Variants in EPB41 observed in about 807,000 individuals in gnomAD.
EPB41 encodes erythrocyte membrane protein band 4.1.
Under a neutral mutation model 108.0 loss-of-function variants are expected in EPB41, and 65 were observed. The observed-to-expected ratio is 0.60, with a 90% confidence interval of 0.49 to 0.74. The LOEUF (loss-of-function observed/expected upper bound fraction) is 0.74. Ranked by LOEUF, EPB41 falls within the 30% of genes least tolerant of loss-of-function variation. The probability of loss-of-function intolerance (pLI) is 0.00; values close to 1 mark genes in which losing one functional copy is unlikely to be tolerated. For missense variants in EPB41, 875 were observed against 1,037.0 expected (o/e 0.84, Z 2.15); for synonymous variants, 336 against 358.9 (o/e 0.94, Z 0.72).
intron 4 of EPB41, among the ~76,000 whole-genome samples, chr1:29,007,259 A>G (rs572231717): frequency 3.3e-5 from 5 of 152,124 alleles, no homozygotes; most frequent in African/African-American, 1.2e-4. Flanking sequence ...GCTTGACTAC[A>G]CCACACTTTA....
At chr1:29,096,581 C>T in intron 16 of EPB41, 3 of 985,646 alleles carry the variant, frequency 3.0e-6, no homozygotes, top group South Asian at 9.4e-5. Flanking sequence ...TAACCAGTTC[C>T]CCACCCTCAT....
intron 11 of EPB41, among the ~76,000 whole-genome samples, chr1:29,043,857 A>G (rs2150528523): frequency 6.6e-6 from 1 of 152,340 alleles, no homozygotes; most frequent in South Asian, 2.1e-4. Flanking sequence ...TTGGCAACAA[A>G]GACAGGGAAA....
chr1:29,052,628 G>A (rs1644716098), intron 11 of EPB41, among the ~76,000 whole-genome samples: 1 of 152,066 alleles, frequency 6.6e-6, no homozygotes, highest in Non-Finnish European at 1.5e-5. Flanking sequence ...ATTCCAAGGA[G>A]GCTTACAGAA....
At chr1:29,109,550 A>G (rs1199399260) in intron 18 of EPB41, 113 bp downstream of exon 18, 1 of 838,756 alleles carries the variant, frequency 1.2e-6, no homozygotes, top group Non-Finnish European at 2.0e-6. Flanking sequence ...CTCCATCCCT[A>G]GTAAGCCACA....
At chr1:28,895,069 G>A (rs2090524833) in intron 1 of EPB41, among the ~76,000 whole-genome samples, 2 of 152,046 alleles carry the variant, frequency 1.3e-5, no homozygotes, top group African/African-American at 4.8e-5. Context: ...TCTCTGCCTC[G>A]GTTGCCTTAC....
chr1:28,908,433 TA>T (rs2092000016), intron 1 of EPB41, among the ~76,000 whole-genome samples: 2 of 150,054 alleles, frequency 1.3e-5, no homozygotes, highest in African/African-American at 2.4e-5. Flanking sequence ...TTATTATTAT[TA>T]TTATTATTTT....
chr1:28,921,559 T>TA (rs1010744775), intron 1 of EPB41, among the ~76,000 whole-genome samples: 33 of 152,246 alleles, frequency 2.2e-4, no homozygotes, highest in African/African-American at 7.5e-4. Flanking sequence ...GTAAAGGCTT[T>TA]AAAAAATTTT....
intron 2 of EPB41, among the ~76,000 whole-genome samples, chr1:28,988,559 T>TCAA (rs2095926587): frequency 1.3e-5 from 2 of 152,004 alleles, no homozygotes; most frequent in African/African-American, 4.8e-5. Flanking sequence ...AGCGTTTTGC[T>TCAA]GTGTTGGCCA....
intron 1 of EPB41, among the ~76,000 whole-genome samples, chr1:28,943,651 G>GA (rs55671605): frequency 0.024 from 3,516 of 143,720 alleles, 71 homozygotes; most frequent in Middle Eastern, 0.036. Context: ...TCCGTTTCAG[G>GA]AAAAAAAAAA....
At chr1:29,047,576 G>T (rs1017256983) in intron 11 of EPB41, among the ~76,000 whole-genome samples, 7 of 151,836 alleles carry the variant, frequency 4.6e-5, no homozygotes, top group Non-Finnish European at 1.0e-4. Flanking sequence ...TCTAGGAAAT[G>T]TGCATTTTAT....
chr1:28,941,426 C>G (rs1044497187), intron 1 of EPB41, among the ~76,000 whole-genome samples: 4 of 152,050 alleles, frequency 2.6e-5, no homozygotes, highest in Middle Eastern at 6.8e-3. Context: ...ATAAGTCCAA[C>G]GAGGTATAGT....
Position 29,081,465 on chromosome 1 carries a change from C to G in EPB41, c.2184+16307C>G, listed in dbSNP as rs149857839. Among the ~76,000 whole-genome samples, 645 of 152,274 alleles carry G rather than the reference C, an allele frequency of 4.2e-3. 5 individuals are homozygous for G. The highest frequency in any genetic ancestry group is 0.015 in the African/African-American group (613 of 41,552). ...CGACAGAAGGTATATCACTTTATCT[C>G]TTACTTCACCTTGGGTAAACCTTCT... On this transcript the variant is annotated intron_variant, in intron 16 of 20. Coordinates refer to ENST00000343067, the MANE Select transcript of EPB41 (RefSeq NM_001376013.1).
Position 28,993,480 on chromosome 1 carries a change from C to G in EPB41, c.619C>G (p.His207Asp). The G allele has an allele frequency of 6.2e-7, 1 of 1,614,016 alleles. No homozygotes were observed. The highest frequency in any genetic ancestry group is 8.5e-7 in the Non-Finnish European group (1 of 1,179,998). The change falls in exon 3 of 21, where the codon CAC becomes GAC. Residue 207 changes from histidine (H) to aspartate (D), a missense_variant. By Grantham distance (81) the His-to-Asp change is moderately conservative. Coordinates refer to ENST00000343067, the MANE Select transcript of EPB41 (RefSeq NM_001376013.1). Reference protein sequence around the residue: ...LKASQKPIRKHRNMHCKVSLL... With the variant: ...LKASQKPIRKDRNMHCKVSLL... ...AGCTTCCCAAAAACCAATCAGAAAACACAGGAACATGCACTGCAAGGTTTC... is the reference window on the plus strand; with the variant it reads ...AGCTTCCCAAAAACCAATCAGAAAAGACAGGAACATGCACTGCAAGGTTTC...
intron 2 of EPB41, among the ~76,000 whole-genome samples, chr1:28,988,653 C>A (rs571583812): frequency 4.1e-4 from 62 of 152,134 alleles, no homozygotes; most frequent in Admixed American, 2.6e-4. Flanking sequence ...AGCCACCATG[C>A]CCGGCTTATA....
intron 1 of EPB41, chr1:28,891,080 A>T: frequency 1.3e-6 from 1 of 771,568 alleles, no homozygotes; most frequent in Non-Finnish European, 1.6e-6. Flanking sequence ...GTTTCCCCAG[A>T]GGGGCAGCCC....
At chr1:28,921,608 C>CT (rs953925778) in intron 1 of EPB41, among the ~76,000 whole-genome samples, 8 of 151,662 alleles carry the variant, frequency 5.3e-5, no homozygotes, top group Non-Finnish European at 1.0e-4. Flanking sequence ...GCCCTTTTCT[C>CT]TTTTTTTTAA....
intron 7 of EPB41, 110 bp from the exon 8 acceptor site, chr1:29,030,290 A>G (rs2096772135): frequency 1.2e-6 from 1 of 813,732 alleles, no homozygotes; most frequent in South Asian, 1.4e-5. Context: ...ATATCTTAAT[A>G]TAGTGGTATG....
intron 1 of EPB41, among the ~76,000 whole-genome samples, chr1:28,967,222 G>A (rs572870634): frequency 6.6e-6 from 1 of 152,054 alleles, no homozygotes; most frequent in Non-Finnish European, 1.5e-5. Context: ...GTTTCACCAT[G>A]TTAACCAGGA....
chr1:28,993,766 C>T (rs1482759573), intron 3 of EPB41, among the ~76,000 whole-genome samples: 2 of 150,332 alleles, frequency 1.3e-5, no homozygotes, highest in Non-Finnish European at 2.9e-5. Context: ...AAGTGATTCT[C>T]CTGTCTCAGC....
Sources: gnomAD v4.1 joint callset for allele counts (sites outside exome capture counted in the v4.1 genomes callset) on GRCh38, gnomAD v4.1.1 for gene constraint, MANE v1.5 for transcripts, NCBI Gene and HGNC (gene_info 2026-07-23, HGNC 2026-07-21) for gene names.